The following AFAP1 variants were observed in gnomAD, a reference collection of about 807,000 sequenced individuals.
The protein encoded by AFAP1 is actin filament-associated protein 1.
Under a neutral mutation model 93.9 loss-of-function variants are expected in AFAP1, and 75 were observed. The ratio of observed to expected loss-of-function variants is 0.80; its 90% CI spans 0.66 to 0.97. The LOEUF (loss-of-function observed/expected upper bound fraction) is 0.97, where lower values mean the gene tolerates loss of function less well. Among genes scored for constraint, AFAP1 ranks in the 50% least tolerant of loss-of-function variants. The pLI, the probability that AFAP1 is intolerant of heterozygous loss-of-function variation, is 0.00. For missense variants in AFAP1, 1,201 were observed against 1,050.8 expected (o/e 1.14, Z -1.98); for synonymous variants, 517 against 430.7 (o/e 1.20, Z -2.48).
At chr4:7,913,379 C>A (rs1374077117) in intron 1 of AFAP1, among the ~76,000 whole-genome samples, 32 of 147,054 alleles carry the variant, frequency 2.2e-4, no homozygotes, top group Non-Finnish European at 2.2e-4. Context: ...GACAGTAAGA[C>A]CCTGTCTCCA....
At chr4:7,892,626 G>T (rs1718534624) in intron 1 of AFAP1, among the ~76,000 whole-genome samples, 1 of 152,188 alleles carries the variant, frequency 6.6e-6, no homozygotes, top group African/African-American at 2.4e-5. Flanking sequence ...TAAATAAAAA[G>T]CTGACCCTGA....
intron 1 of AFAP1, among the ~76,000 whole-genome samples, chr4:7,893,891 T>C (rs1192810772): frequency 1.3e-5 from 2 of 152,114 alleles, no homozygotes; most frequent in South Asian, 4.2e-4. Context: ...GAACCAGCAA[T>C]AATGCTCCTT....
chr4:7,817,325 A>G (rs1720562188), intron 7 of AFAP1, among the ~76,000 whole-genome samples: 1 of 152,220 alleles, frequency 6.6e-6, no homozygotes, highest in Non-Finnish European at 1.5e-5. Context: ...AAAACAGGAC[A>G]GGTACGGTGG....
intron 9 of AFAP1, among the ~76,000 whole-genome samples, chr4:7,801,929 A>AAAAAAAC (rs1719075878): frequency 2.6e-5 from 4 of 151,192 alleles, no homozygotes; most frequent in African/African-American, 9.7e-5. Flanking sequence ...AAAAAAAAAA[A>AAAAAAAC]AAAAAAAAAA....
chr4:7,828,642 A>G (rs1721639060), intron 6 of AFAP1, among the ~76,000 whole-genome samples: 2 of 152,218 alleles, frequency 1.3e-5, no homozygotes, highest in Non-Finnish European at 2.9e-5. Context: ...TTACTTATGT[A>G]AGGCTCATGA....
intron 1 of AFAP1, among the ~76,000 whole-genome samples, chr4:7,917,713 T>C (rs1473709000): frequency 6.6e-6 from 1 of 152,076 alleles, no homozygotes; most frequent in African/African-American, 2.4e-5. Flanking sequence ...AACTTAGAGA[T>C]AAAATGTCTA....
chr4:7,799,215 G>A (rs1718784904), intron 10 of AFAP1: 4 of 403,760 alleles, frequency 9.9e-6, no homozygotes, highest in Non-Finnish European at 1.3e-5. Flanking sequence ...AGCCCTCTCT[G>A]TTAGATCACA....
At chr4:7,925,575 G>A (rs1720681061) in intron 1 of AFAP1, among the ~76,000 whole-genome samples, 1 of 152,026 alleles carries the variant, frequency 6.6e-6, no homozygotes, top group African/African-American at 2.4e-5. Flanking sequence ...AGCTAGGCGT[G>A]GTGGCTCACG....
chr4:7,934,381 C>T (rs1721263865), intron 1 of AFAP1, among the ~76,000 whole-genome samples: 1 of 152,198 alleles, frequency 6.6e-6, no homozygotes, highest in East Asian at 1.9e-4. Context: ...GTGTGAGTCA[C>T]GAGTCCCACT....
rs1712581929 is a variant in AFAP1, at chr4:7,838,535, G to T, written c.715C>A (p.Gln239Lys). Residue 239 changes from glutamine (Q) to lysine (K), a missense_variant, in exon 6 of 18, where the codon CAG becomes AAG. Physicochemically the swap from Gln to Lys is moderately conservative, Grantham distance 53. Transcript: ENST00000420658. ...AGCAGACAACCTACCTTCAGCCACTGCTCGGCCTGTTCCTTGCTCTGGACG... is the reference window on the plus strand; with the variant it reads ...AGCAGACAACCTACCTTCAGCCACTTCTCGGCCTGTTCCTTGCTCTGGACG... ...LAVQSKEQAEQWLKVIKEAYS... is the reference protein window; with the variant it reads ...LAVQSKEQAEKWLKVIKEAYS... 6.2e-7 allele frequency: 1 copy of T among 1,613,618 alleles called. No homozygotes were observed. The highest frequency in any genetic ancestry group is 1.3e-5 in the African/African-American group (1 of 75,002).
intron 10 of AFAP1, among the ~76,000 whole-genome samples, chr4:7,799,379 A>G (rs1350714842): frequency 1.3e-5 from 2 of 151,728 alleles, no homozygotes; most frequent in East Asian, 1.9e-4. Context: ...ATGAACTCCT[A>G]TGTATGAAAT....
intron 17 of AFAP1, among the ~76,000 whole-genome samples, chr4:7,764,975 G>A (rs1479495999): frequency 2.0e-5 from 3 of 152,244 alleles, no homozygotes; most frequent in Admixed American, 6.5e-5. Context: ...GTGTGGTGGC[G>A]CACACCCATA....
At chr4:7,916,781 G>A (rs993800548) in intron 1 of AFAP1, among the ~76,000 whole-genome samples, 3 of 152,182 alleles carry the variant, frequency 2.0e-5, no homozygotes, top group Non-Finnish European at 4.4e-5. Flanking sequence ...AAGGGATGTT[G>A]CAAGGTTTGT....
rs1346674323 is a variant in AFAP1 at position 7,809,606 on chromosome 4, A to G, written c.1054+8T>C. On this transcript the variant is annotated splice_region_variant and intron_variant, in intron 9 of 17. Coordinates refer to ENST00000420658, the MANE Select transcript of AFAP1 (RefSeq NM_001134647.2). The stretch of plus-strand genomic sequence containing the variant: ...CACGCTGCTCGTCTCCGGGAAGCGC[A>G]GTCTTACCGCAGGTGGGAACATCTT... 6.2e-7 allele frequency: 1 copy of G among 1,610,010 alleles called. No individual in the cohort carries two copies. Among genetic ancestry groups the G allele is most frequent in the Admixed American group, 1.7e-5 (1 of 59,188 alleles).
chr4:7,791,707 G>C (rs986588439), intron 11 of AFAP1, among the ~76,000 whole-genome samples: 2 of 150,674 alleles, frequency 1.3e-5, no homozygotes, highest in African/African-American at 4.9e-5. Context: ...AAAAAAATTA[G>C]CCAGGCATGG....
chr4:7,859,838 A>T (rs898273404), intron 3 of AFAP1, among the ~76,000 whole-genome samples: 4 of 152,180 alleles, frequency 2.6e-5, no homozygotes, highest in Non-Finnish European at 5.9e-5. Context: ...TGCTACTTTA[A>T]GGAAAAGTGA....
intron 1 of AFAP1, among the ~76,000 whole-genome samples, chr4:7,906,588 C>G (rs902521597): frequency 1.3e-5 from 2 of 152,174 alleles, no homozygotes; most frequent in African/African-American, 4.8e-5. Flanking sequence ...TCATTAAGTT[C>G]TCCAAGACAG....
intron 6 of AFAP1, among the ~76,000 whole-genome samples, chr4:7,829,586 C>A (rs529002493): frequency 1.2e-3 from 188 of 152,164 alleles, no homozygotes; most frequent in Non-Finnish European, 2.3e-3. Context: ...AATACTGATA[C>A]AACTGTAGGC....
rs529774238 is a variant in AFAP1, at chr4:7,888,949, C to T, written c.-2-16869G>A. 4.6e-5 allele frequency among the ~76,000 whole-genome samples: 7 copies of T among 152,110 alleles called. No individual in the cohort carries two copies. In the South Asian group the frequency reaches 6.2e-4, roughly 14 times the overall value. Reference sequence around the variant, plus strand: ...GGGATTACAGGTGCCCACCACCACCCCCATCTAATGTTTGTATTTTTTAGT... The same window carrying T: ...GGGATTACAGGTGCCCACCACCACCTCCATCTAATGTTTGTATTTTTTAGT... On this transcript the variant is annotated intron_variant, in intron 1 of 17. Transcript: ENST00000420658.
Sources: allele counts gnomAD v4.1 joint callset (sites outside exome capture counted in the v4.1 genomes callset), GRCh38; gene constraint gnomAD v4.1.1; transcripts MANE v1.5; gene names NCBI Gene and HGNC (gene_info 2026-07-23, HGNC 2026-07-21).